PAX5: variants seen among roughly 807,000 people sequenced by gnomAD.
PAX5 encodes paired box protein Pax-5.
Under a neutral mutation model 43.7 loss-of-function variants are expected in PAX5, and 9 were observed. That is an observed-to-expected ratio of 0.21 (90% CI 0.12 to 0.36). PAX5 has a LOEUF of 0.36. Among genes scored for constraint, PAX5 ranks in the 10% least tolerant of loss-of-function variants. The pLI is 1.00. For synonymous variants in PAX5, 228 were observed against 214.3 expected (o/e 1.06, Z -0.56); for missense variants, 383 against 532.7 (o/e 0.72, Z 2.77).
At chr9:36,921,664 T>C (rs1250924307) in intron 7 of PAX5, among the ~76,000 whole-genome samples, 8 of 152,264 alleles carry the variant, frequency 5.3e-5, no homozygotes, top group African/African-American at 1.9e-4. Flanking sequence ...AAGTGCTCAG[T>C]GAAGTGCCAG....
At chr9:36,961,836 G>T (rs1286501879) in intron 6 of PAX5, among the ~76,000 whole-genome samples, 1 of 152,154 alleles carries the variant, frequency 6.6e-6, no homozygotes, top group Non-Finnish European at 1.5e-5. Flanking sequence ...ACACGTGCAC[G>T]CACACACACT....
At chr9:36,978,672 G>A (rs1835654862) in intron 5 of PAX5, among the ~76,000 whole-genome samples, 2 of 152,128 alleles carry the variant, frequency 1.3e-5, no homozygotes, top group Admixed American at 6.5e-5. Context: ...TTGCACAAAT[G>A]TTTTCAGGAG....
At chr9:36,850,512 T>A (rs10973104) in intron 8 of PAX5, among the ~76,000 whole-genome samples, 6,560 of 152,226 alleles carry the variant, frequency 0.043, 486 homozygotes, top group African/African-American at 0.15. Context: ...CAAGACAAAG[T>A]TCCCACAATG....
chr9:36,882,162 G>A lies in PAX5; in HGVS notation c.911-57C>T. 7.2e-7 allele frequency: 1 copy of A among 1,383,690 alleles called. No homozygotes were observed. The highest frequency in any genetic ancestry group is 1.0e-6 in the Non-Finnish European group (1 of 1,004,810). The allele number at this position is 1,383,690 out of a possible 1,614,324, so 85.7% of individuals were successfully genotyped here. A position where few individuals can be genotyped will look rare whatever the true frequency, so the allele number is the denominator to read the frequency against. ...AGCATCTTCGCGGCCAGCCGCTCAT[G>A]TCCACAGCTCCCTGGACGCTTCTGC... On this transcript the variant is annotated intron_variant, in intron 7 of 9. Transcript: ENST00000358127. The surrounding 1 kb of genome is among the most constrained non-coding windows in gnomAD (Gnocchi z 4.4).
chr9:36,969,256 C>T (rs1402219338), intron 5 of PAX5, among the ~76,000 whole-genome samples: 4 of 152,230 alleles, frequency 2.6e-5, no homozygotes, highest in Non-Finnish European at 4.4e-5. Flanking sequence ...GCTCCTCCGG[C>T]CCACCCAGGC....
chr9:36,847,363 G>C (rs1822694247), intron 8 of PAX5, among the ~76,000 whole-genome samples: 1 of 152,220 alleles, frequency 6.6e-6, no homozygotes, highest in African/African-American at 2.4e-5. Flanking sequence ...CCCAGAATGG[G>C]CTCAGTTCTA....
In PAX5 at chr9:37,022,877, C is replaced by T. The variant is rs874412; in HGVS notation, c.47-2076G>A. ...CTTGGGGTGACCTGGGAGCCTGTTA[C>T]CTTCCTCAACTTCCTTGAAAGGTCC... On this transcript the variant is annotated intron_variant, in intron 1 of 9. Coordinates refer to ENST00000358127, the MANE Select transcript of PAX5 (RefSeq NM_016734.3). 1.2e-4 allele frequency among the ~76,000 whole-genome samples: 18 copies of T among 152,294 alleles called. No individual in the cohort carries two copies. In the South Asian group the frequency reaches 2.7e-3, roughly 23 times the overall value.
Position 36,882,027 on chromosome 9 carries a change from G to A in PAX5, c.989C>T (p.Pro330Leu), listed in dbSNP as rs1323551948. 3 of 1,613,066 alleles carry A rather than the reference G, an allele frequency of 1.9e-6. No homozygotes were observed. The highest frequency in any genetic ancestry group is 1.3e-5 in the African/African-American group (1 of 75,008). The stretch of plus-strand genomic sequence containing the variant: ...ACCAGGCACCATCCCTGTCAGCGTC[G>A]GTGCTGAGTAGCTGCCCTGTCCAGC... ...PPAGQGSYSA[P>L]TLTGMVPGSE... The change falls in exon 8 of 10, where the codon CCG (proline) becomes CTG (leucine). Residue 330 changes from proline to leucine, a missense_variant. Physicochemically the swap from Pro to Leu is moderately conservative, Grantham distance 98. This residue lies in a region of PAX5 where 291 missense variants were observed against 342.5 expected (regional missense o/e 0.85). Coordinates refer to ENST00000358127, the MANE Select transcript of PAX5 (RefSeq NM_016734.3). This position sits in a 1 kb window ranked among gnomAD's most constrained non-coding sequence, Gnocchi z 4.4.
intron 5 of PAX5, among the ~76,000 whole-genome samples, chr9:36,970,151 C>T (rs1045409594): frequency 2.0e-5 from 3 of 152,128 alleles, no homozygotes; most frequent in Non-Finnish European, 4.4e-5. Flanking sequence ...GTGACTGATG[C>T]TAGGGTGAAA....
intron 7 of PAX5, among the ~76,000 whole-genome samples, chr9:36,917,258 T>G (rs922669329): frequency 6.6e-6 from 1 of 152,196 alleles, no homozygotes; most frequent in Non-Finnish European, 1.5e-5. Context: ...CCAGGACAGC[T>G]AAGCCACTGA....
At chr9:36,953,260 C>G (rs758009569) in intron 6 of PAX5, among the ~76,000 whole-genome samples, 2 of 152,074 alleles carry the variant, frequency 1.3e-5, no homozygotes, top group Non-Finnish European at 2.9e-5. Context: ...CCTCTGGCTT[C>G]TTTCAAGATT....
chr9:36,884,442 T>C (rs949588264), intron 7 of PAX5, among the ~76,000 whole-genome samples: 5 of 152,228 alleles, frequency 3.3e-5, no homozygotes, highest in African/African-American at 1.2e-4. Context: ...CAATATTAAT[T>C]CCTTATGATA....
chr9:36,887,943 C>T (rs1250002693), intron 7 of PAX5, among the ~76,000 whole-genome samples: 1 of 151,928 alleles, frequency 6.6e-6, no homozygotes, highest in Non-Finnish European at 1.5e-5. Flanking sequence ...ACAAATAATC[C>T]AATTTTAAAA....
intron 3 of PAX5, among the ~76,000 whole-genome samples, chr9:37,013,272 T>C (rs1274060168): frequency 6.6e-6 from 1 of 152,178 alleles, no homozygotes; most frequent in Non-Finnish European, 1.5e-5. Context: ...GGACTTGTGC[T>C]GCCTAGCTTG....
rs1821644552 is a variant in PAX5 at position 36,836,420 on chromosome 9, T to G, written c.*4140A>C. The G allele has an allele frequency of 2.1e-5, 5 of 233,178 alleles. No individual in the cohort carries two copies. The East Asian group carries it at 3.0e-4, about 14-fold the overall frequency. The allele number at this position is 233,178 out of a possible 1,614,324, so 14.4% of individuals were successfully genotyped here. A position where few individuals can be genotyped will look rare whatever the true frequency, so the allele number is the denominator to read the frequency against. On this transcript the variant is annotated 3_prime_UTR_variant, in exon 10 of 10. Transcript: ENST00000358127. ...TCTGCAACAAAGGACAGGAGGTGAA[T>G]GAGAAAGGGGGCAATTGACAGGCAT... is the stretch of plus-strand genomic sequence containing the variant.
chr9:36,979,521 T>C (rs1425039023), intron 5 of PAX5, among the ~76,000 whole-genome samples: 2 of 152,204 alleles, frequency 1.3e-5, no homozygotes, highest in Non-Finnish European at 2.9e-5. Context: ...CAAATACATA[T>C]TCCTGTGGCA....
intron 1 of PAX5, among the ~76,000 whole-genome samples, 156 bp downstream of exon 1, chr9:37,033,830 A>T (rs1841255014): frequency 6.6e-6 from 1 of 152,220 alleles, no homozygotes; most frequent in Admixed American, 6.5e-5. Context: ...AAGTGTGTGA[A>T]CAGATAGGTG....
intron 3 of PAX5, among the ~76,000 whole-genome samples, chr9:37,010,371 G>A (rs759210007): frequency 6.6e-6 from 1 of 152,154 alleles, no homozygotes; most frequent in African/African-American, 2.4e-5. Context: ...GACTTGCCCA[G>A]AATTGCACAG....
At chr9:37,005,326 C>A (rs1205897374) in intron 4 of PAX5, among the ~76,000 whole-genome samples, 1 of 152,234 alleles carries the variant, frequency 6.6e-6, no homozygotes, top group Non-Finnish European at 1.5e-5. Flanking sequence ...ATAGGCTTGG[C>A]CTCTGATGCC....
Sources: allele counts gnomAD v4.1 joint callset (sites outside exome capture counted in the v4.1 genomes callset), GRCh38; gene constraint gnomAD v4.1.1; regional missense constraint gnomAD v4.1.1; non-coding constraint Gnocchi (gnomAD v3.1); transcripts MANE v1.5; gene names NCBI Gene and HGNC (gene_info 2026-07-23, HGNC 2026-07-21).